Variants in PTPRD observed in about 807,000 individuals in gnomAD.
PTPRD encodes receptor-type tyrosine-protein phosphatase delta.
Under a neutral mutation model 214.5 loss-of-function variants are expected in PTPRD, and 34 were observed. The observed-to-expected ratio is 0.16, with a 90% CI of 0.12 to 0.21. PTPRD has a LOEUF of 0.21. PTPRD is among the 10% of genes least tolerant of loss of function. The pLI is 1.00. For synonymous variants in PTPRD, 1,128 were observed against 845.7 expected (o/e 1.33, Z -5.79); for missense variants, 2,545 against 2,398.7 (o/e 1.06, Z -1.27).
chr9:8,573,957 C>G (rs745684255), intron 14 of PTPRD, among the ~76,000 whole-genome samples: 6 of 152,040 alleles, frequency 3.9e-5, no homozygotes, highest in Middle Eastern at 3.4e-3. Flanking sequence ...TTAGGGCTGA[C>G]TATGGTAATA....
In PTPRD at chr9:10,060,897, CTTCTTTCTTTCTTTCTTTCTTTCT is replaced by C. The variant is rs369686972; in HGVS notation, c.-544-27131_-544-27108del. Among the ~76,000 whole-genome samples the C allele has an allele frequency of 5.8e-4, 41 of 70,576 alleles. 1 individual carries two copies. The East Asian group carries it at 0.012, about 20-fold the overall frequency. The allele number at this position is 70,576 out of a possible 152,430, so 46.3% of individuals were successfully genotyped here. ...CCTTCCTTCCTTCCTTCCTTCCTTC[CTTCTTTCTTTCTTTCTTTCTTTCT>C]TTCTTTCTTTCTTTCTTTCTTTCTT... On this transcript the variant is annotated intron_variant, in intron 3 of 45. Coordinates refer to ENST00000381196, the MANE Select transcript of PTPRD (RefSeq NM_002839.4).
chr9:10,109,817 T>G (rs1264689285), intron 3 of PTPRD, among the ~76,000 whole-genome samples: 2 of 152,092 alleles, frequency 1.3e-5, no homozygotes, highest in Non-Finnish European at 2.9e-5. Context: ...ATGAACTATC[T>G]GGTTATATAT....
intron 9 of PTPRD, among the ~76,000 whole-genome samples, chr9:9,370,823 T>G (rs1325638398): frequency 6.6e-5 from 10 of 151,066 alleles, no homozygotes; most frequent in African/African-American, 1.7e-4. Flanking sequence ...TAGCATGAAG[T>G]GTTGTTGAAT....
intron 7 of PTPRD, among the ~76,000 whole-genome samples, chr9:9,637,567 C>T (rs2095810797): frequency 6.6e-6 from 1 of 152,194 alleles, no homozygotes; most frequent in Non-Finnish European, 1.5e-5. Flanking sequence ...GGATGTGGTT[C>T]CCCTAATGCC....
chr9:9,822,630 C>T (rs1350417393), intron 5 of PTPRD, among the ~76,000 whole-genome samples: 1 of 151,112 alleles, frequency 6.6e-6, no homozygotes, highest in African/African-American at 2.4e-5. Flanking sequence ...TAAAGATATT[C>T]TGGCTTATTA....
intron 5 of PTPRD, among the ~76,000 whole-genome samples, chr9:9,926,092 A>C (rs2084206239): frequency 6.6e-6 from 1 of 152,002 alleles, no homozygotes; most frequent in African/African-American, 2.4e-5. Context: ...ATCCTCCTAA[A>C]GTGCTGGGAT....
At position 8,672,944 on chromosome 9, in the gene PTPRD, C is replaced by A. The variant is rs114573587; in HGVS notation, c.65-36100G>T. Among the ~76,000 whole-genome samples the A allele has an allele frequency of 6.1e-3, 932 of 152,062 alleles. 18 individuals are homozygous for A. Among genetic ancestry groups the A allele is most frequent in the African/African-American group, 0.021 (886 of 41,482 alleles). On this transcript the variant is annotated intron_variant, in intron 12 of 45. Coordinates refer to ENST00000381196, the MANE Select transcript of PTPRD (RefSeq NM_002839.4). ...TGCCAATTAAAAACAGTAGACACAG[C>A]AAATAAATGTAACTGGAAAATTTAT...
chr9:10,537,120 T>C (rs2058000801), intron 2 of PTPRD, among the ~76,000 whole-genome samples: 1 of 152,154 alleles, frequency 6.6e-6, no homozygotes, highest in Admixed American at 6.6e-5. Flanking sequence ...ATAGGACTAT[T>C]GTCACCAAAT....
At chr9:9,220,319 T>TTTTTTTTTTAA (rs1555012243) in intron 9 of PTPRD, among the ~76,000 whole-genome samples, 1 of 148,546 alleles carries the variant, frequency 6.7e-6, no homozygotes. Flanking sequence ...GCTTTTTTTT[T>TTTTTTTTTTAA]AAAAGCACTA....
chr9:8,373,913 T>TCTATCTACCTAC (rs373840784), intron 39 of PTPRD, among the ~76,000 whole-genome samples: 30 of 78,494 alleles, frequency 3.8e-4, no homozygotes, highest in Non-Finnish European at 5.2e-4. Flanking sequence ...TATCTATCTA[T>TCTATCTACCTAC]CTACCTACCT....
At chr9:8,346,712 G>C (rs766619322) in intron 39 of PTPRD, among the ~76,000 whole-genome samples, 4 of 152,120 alleles carry the variant, frequency 2.6e-5, no homozygotes, top group African/African-American at 9.7e-5. Flanking sequence ...CAAAGTGCAA[G>C]AGTAGTGATC....
At chr9:9,732,270 T>C (rs1206151863) in intron 7 of PTPRD, among the ~76,000 whole-genome samples, 1 of 152,032 alleles carries the variant, frequency 6.6e-6, no homozygotes, top group Non-Finnish European at 1.5e-5. Flanking sequence ...ACTGTGGCAA[T>C]ACTTAATTGT....
intron 7 of PTPRD, among the ~76,000 whole-genome samples, chr9:9,712,552 G>C (rs1225309191): frequency 1.3e-5 from 2 of 152,134 alleles, no homozygotes; most frequent in African/African-American, 4.8e-5. Flanking sequence ...AGCTTGTCAA[G>C]AAAGTCATTC....
At chr9:8,324,797 T>C (rs200140325) in intron 44 of PTPRD, among the ~76,000 whole-genome samples, 11 of 151,838 alleles carry the variant, frequency 7.2e-5, no homozygotes, top group East Asian at 1.9e-4. Flanking sequence ...GACATTCTAA[T>C]TGGTGTAAGA....
intron 2 of PTPRD, among the ~76,000 whole-genome samples, chr9:10,392,801 G>A (rs971164972): frequency 6.6e-6 from 1 of 151,876 alleles, no homozygotes; most frequent in African/African-American, 2.4e-5. Context: ...CATGGGCAAA[G>A]CTTGGATATG....
chr9:8,352,104 T>A (rs1380012423), intron 39 of PTPRD, among the ~76,000 whole-genome samples: 1 of 151,520 alleles, frequency 6.6e-6, no homozygotes, highest in African/African-American at 2.4e-5. Context: ...TTCAAATATG[T>A]AGACTCAAAC....
chr9:10,104,924 T>C (rs4741009), intron 3 of PTPRD, among the ~76,000 whole-genome samples: 7,974 of 151,902 alleles, frequency 0.052, 268 homozygotes, highest in Admixed American at 0.099. Context: ...TTGGCAGCTG[T>C]ATTGTAGTTT....
At chr9:10,114,398 C>G (rs1158359880) in intron 3 of PTPRD, among the ~76,000 whole-genome samples, 2 of 152,130 alleles carry the variant, frequency 1.3e-5, no homozygotes, top group South Asian at 4.1e-4. Context: ...AGGCAATTTA[C>G]AAAATCACTA....
rs576921072 is a variant in PTPRD at position 10,356,688 on chromosome 9, TC to T, written c.-599-15672del. Among the ~76,000 whole-genome samples the T allele has an allele frequency of 3.9e-5, 6 of 152,108 alleles. No homozygotes were observed. The South Asian group carries it at 1.2e-3, about 32-fold the overall frequency. On this transcript the variant is annotated intron_variant, in intron 2 of 45. Coordinates refer to ENST00000381196, the MANE Select transcript of PTPRD (RefSeq NM_002839.4). ...TCATAAAAATGTTTTTTTTCTTTTT[TC>T]TTTTTTTTTGAGACAGAGTCTCACT...
Sources: gnomAD v4.1 joint callset for allele counts (sites outside exome capture counted in the v4.1 genomes callset) on GRCh38, gnomAD v4.1.1 for gene constraint, MANE v1.5 for transcripts, NCBI Gene and HGNC (gene_info 2026-07-23, HGNC 2026-07-21) for gene names.